Variants in DPP10 observed in about 807,000 individuals in gnomAD.
DPP10 encodes the protein inactive dipeptidyl peptidase 10.
Under a neutral mutation model 120.9 loss-of-function variants are expected in DPP10, and 33 were observed. That is an observed-to-expected ratio of 0.27 (90% CI 0.21 to 0.37). The LOEUF is 0.37. Among genes scored for constraint, DPP10 ranks in the 10% least tolerant of loss-of-function variants. The pLI is 1.00. For synonymous variants in DPP10, 337 were observed against 326.1 expected (o/e 1.03, Z -0.36); for missense variants, 816 against 942.8 (o/e 0.87, Z 1.76).
chr2:114,514,540 A>C (rs905372668), intron 1 of DPP10, among the ~76,000 whole-genome samples: 18 of 152,090 alleles, frequency 1.2e-4, no homozygotes, highest in African/African-American at 4.3e-4. Context: ...GAGACCAGAG[A>C]AGCTTAAGGC....
At chr2:114,959,266 C>T (rs1375737230) in intron 1 of DPP10, among the ~76,000 whole-genome samples, 1 of 152,144 alleles carries the variant, frequency 6.6e-6, no homozygotes, top group Non-Finnish European at 1.5e-5. Flanking sequence ...TTCACAATCA[C>T]TAGTCTGTCT....
chr2:114,990,734 C>T (rs757591673), intron 1 of DPP10, among the ~76,000 whole-genome samples: 1 of 152,048 alleles, frequency 6.6e-6, no homozygotes, highest in African/African-American at 2.4e-5. Flanking sequence ...GCACAGACAC[C>T]CTTTGAAGTT....
intron 1 of DPP10, among the ~76,000 whole-genome samples, chr2:114,586,268 C>T (rs1031330936): frequency 2.6e-5 from 4 of 152,014 alleles, no homozygotes; most frequent in East Asian, 1.9e-4. Flanking sequence ...AGCAAGCAAG[C>T]GAACAACAAC....
intron 1 of DPP10, among the ~76,000 whole-genome samples, chr2:114,583,237 C>T (rs764322478): frequency 3.3e-5 from 5 of 152,120 alleles, no homozygotes; most frequent in East Asian, 1.9e-4. Flanking sequence ...CAAAATAATG[C>T]TTATATTCTG....
At chr2:114,522,722 A>G (rs1306262446) in intron 1 of DPP10, among the ~76,000 whole-genome samples, 1 of 152,170 alleles carries the variant, frequency 6.6e-6, no homozygotes, top group African/African-American at 2.4e-5. Context: ...AATTTACAAA[A>G]TAAAGAGAGG....
intron 3 of DPP10, among the ~76,000 whole-genome samples, chr2:115,459,559 T>C (rs1281575704): frequency 2.6e-5 from 4 of 152,116 alleles, no homozygotes; most frequent in Non-Finnish European, 4.4e-5. Context: ...ATGCAGGCAA[T>C]ATTAGCATTG....
chr2:115,639,627 G>A (rs1053888214), intron 5 of DPP10, among the ~76,000 whole-genome samples: 2 of 149,858 alleles, frequency 1.3e-5, no homozygotes, highest in Non-Finnish European at 3.0e-5. Context: ...TGCATTACAG[G>A]TTTTTTTTTT....
chr2:115,241,067 G>A (rs1009276308), intron 1 of DPP10, among the ~76,000 whole-genome samples: 7 of 152,082 alleles, frequency 4.6e-5, no homozygotes, highest in Non-Finnish European at 8.8e-5. Flanking sequence ...TCAGGAGTTC[G>A]AGACCAGTCT....
chr2:115,280,733 A>G (rs2060125791), intron 1 of DPP10, among the ~76,000 whole-genome samples: 1 of 152,206 alleles, frequency 6.6e-6, no homozygotes, highest in African/African-American at 2.4e-5. Context: ...ATTACAAGCT[A>G]TTCTGCTTCC....
chr2:115,626,629 G>T (rs144500634), intron 5 of DPP10, among the ~76,000 whole-genome samples: 1,621 of 152,238 alleles, frequency 0.011, 17 homozygotes, highest in South Asian at 0.049. Flanking sequence ...GTGAGTAAAT[G>T]CATTAGCATG....
At chr2:114,521,593 A>G (rs1335181319) in intron 1 of DPP10, among the ~76,000 whole-genome samples, 3 of 152,162 alleles carry the variant, frequency 2.0e-5, no homozygotes, top group Non-Finnish European at 4.4e-5. Flanking sequence ...TGTTAAAATA[A>G]CATCTCCTGA....
intron 3 of DPP10, among the ~76,000 whole-genome samples, chr2:115,403,671 T>G (rs2068286033): frequency 6.6e-6 from 1 of 152,110 alleles, no homozygotes; most frequent in East Asian, 1.9e-4. Flanking sequence ...CCCAAAGTGC[T>G]GAGATTATAG....
intron 1 of DPP10, among the ~76,000 whole-genome samples, chr2:115,062,383 GTATTT>G (rs1706487515): frequency 6.6e-6 from 1 of 152,034 alleles, no homozygotes; most frequent in African/African-American, 2.4e-5. Context: ...GTTTTTTATT[GTATTT>G]TAAGTTCCAG....
At chr2:115,370,311 A>G (rs1055084615) in intron 3 of DPP10, among the ~76,000 whole-genome samples, 2 of 152,058 alleles carry the variant, frequency 1.3e-5, no homozygotes, top group African/African-American at 2.4e-5. Context: ...CCCCCTGATG[A>G]TTTTAGAAAA....
intron 1 of DPP10, among the ~76,000 whole-genome samples, chr2:114,752,304 A>G (rs115696924): frequency 0.02 from 3,077 of 152,300 alleles, 128 homozygotes; most frequent in African/African-American, 0.07. Context: ...CTCTTCAGGT[A>G]TCTGTAAGAT....
At chr2:115,035,303 G>A (rs1464862055) in intron 1 of DPP10, among the ~76,000 whole-genome samples, 2 of 152,160 alleles carry the variant, frequency 1.3e-5, no homozygotes, top group African/African-American at 4.8e-5. Context: ...GCAGAACAGG[G>A]TACTGTCTCC....
At chr2:115,743,139 A>G (rs931075604) in intron 9 of DPP10, among the ~76,000 whole-genome samples, 11 of 152,148 alleles carry the variant, frequency 7.2e-5, no homozygotes, top group Admixed American at 2.0e-4. Context: ...ATGTAACTGT[A>G]AAAAGCAAAT....
chr2:114,805,685 A>G (rs551784521), intron 1 of DPP10, among the ~76,000 whole-genome samples: 1 of 152,322 alleles, frequency 6.6e-6, no homozygotes, highest in East Asian at 1.9e-4. Context: ...AGGGCTTAAC[A>G]AAGGAGCTCT....
intron 1 of DPP10, among the ~76,000 whole-genome samples, chr2:114,812,619 A>ACACACACACACACAC (rs1685277612): frequency 9.3e-6 from 1 of 107,056 alleles, no homozygotes; most frequent in African/African-American, 4.3e-5. Context: ...CACACACACA[A>ACACACACACACACAC]TTATAATTAA....
Sources: gnomAD v4.1 joint callset for allele counts (sites outside exome capture counted in the v4.1 genomes callset) on GRCh38, gnomAD v4.1.1 for gene constraint, MANE v1.5 for transcripts, NCBI Gene and HGNC (gene_info 2026-07-23, HGNC 2026-07-21) for gene names.